The following SYNGR1 variants were observed in gnomAD, a reference collection of about 807,000 sequenced individuals.
The protein encoded by SYNGR1 is synaptogyrin-1.
SYNGR1 carries 14 observed loss-of-function variants against 26.1 expected under a neutral mutation model. That is an observed-to-expected ratio of 0.54 (90% CI 0.35 to 0.84). The LOEUF (loss-of-function observed/expected upper bound fraction) is 0.84. SYNGR1 is among the 40% of genes least tolerant of loss of function. The pLI, the probability that SYNGR1 is intolerant of heterozygous loss-of-function variation, is 0.01. For missense variants in SYNGR1, 319 were observed against 332.9 expected, an observed-to-expected ratio of 0.96 and a Z score of 0.33; for synonymous variants, 141 against 150.1, an observed-to-expected ratio of 0.94 and a Z score of 0.44.
intron 1 of SYNGR1, among the ~76,000 whole-genome samples, chr22:39,352,631 C>T (rs375223572): frequency 1.3e-5 from 2 of 152,126 alleles, no homozygotes; most frequent in African/African-American, 4.8e-5. Flanking sequence ...ATGCAGCTGG[C>T]GCCTGCTCTT....
rs1270764854 is a variant in SYNGR1 at position 39,350,004 on chromosome 22, A to C, written c.-7A>C. The C allele has an allele frequency of 8.0e-7, 1 of 1,257,224 alleles. No individual in the cohort carries two copies. Among genetic ancestry groups the C allele is most frequent in the South Asian group, 1.9e-5 (1 of 52,014 alleles). The allele number at this position is 1,257,224 out of a possible 1,614,324, so 77.9% of individuals were successfully genotyped here. ...CGAGCGGGGGGCACCGCGCGGGTGCAGCCACGATGGAAGGGGGTGCGTACG... is the reference window on the plus strand; with the variant it reads ...CGAGCGGGGGGCACCGCGCGGGTGCCGCCACGATGGAAGGGGGTGCGTACG... On this transcript the variant is annotated 5_prime_UTR_variant, in exon 1 of 4. Coordinates refer to ENST00000328933, the MANE Select transcript of SYNGR1 (RefSeq NM_004711.5). The surrounding 1 kb of genome is among the most constrained non-coding windows in gnomAD (Gnocchi z 4.3).
At chr22:39,364,070 C>T in intron 1 of SYNGR1, 1 of 1,518,458 alleles carries the variant, frequency 6.6e-7, no homozygotes, top group East Asian at 2.3e-5. Context: ...GCAGTGGGTC[C>T]TAGGCACACC....
At chr22:39,380,913 G>GA in intron 3 of SYNGR1, among the ~76,000 whole-genome samples, 1 of 152,078 alleles carries the variant, frequency 6.6e-6, no homozygotes, top group Non-Finnish European at 1.5e-5. Flanking sequence ...GAGTTGTCGC[G>GA]CCTGGCCTCT....
At chr22:39,377,390 T>G in intron 3 of SYNGR1, 1 of 985,348 alleles carries the variant, frequency 1.0e-6, no homozygotes, top group Non-Finnish European at 1.2e-6. Flanking sequence ...GGGATCTCAG[T>G]CCAGAGAAGG....
At chr22:39,377,020 T>C in intron 3 of SYNGR1, 2 of 1,550,956 alleles carry the variant, frequency 1.3e-6, no homozygotes, top group Non-Finnish European at 1.7e-6. Flanking sequence ...TGCAGAGATC[T>C]GGGGCCACAT....
Position 39,374,356 on chromosome 22 carries a change from G to A in SYNGR1, c.140G>A (p.Gly47Asp). Residue 47 changes from glycine (G) to aspartate (D), a missense_variant, in exon 2 of 4, where the codon GGC (glycine) becomes GAC (aspartate). Physicochemically the swap from Gly to Asp is moderately conservative, Grantham distance 94. Transcript: ENST00000328933. ...IVVFGSIVNE[G>D]YLNSASEGEE... ...GTGTTCGGCTCCATCGTGAACGAGG[G>A]CTACCTCAACAGCGCCTCCGAGGGG... 1 of 1,614,044 alleles carries A rather than the reference G, an allele frequency of 6.2e-7. No homozygotes were observed. Among genetic ancestry groups the A allele is most frequent in the South Asian group, 1.1e-5 (1 of 91,084 alleles).
rs1311065129 is a variant in SYNGR1 at position 39,350,885 on chromosome 22, C to G, written c.99+776C>G. Among the ~76,000 whole-genome samples, 1 of 152,140 alleles carries G rather than the reference C, an allele frequency of 6.6e-6. No individual in the cohort carries two copies. Among genetic ancestry groups the G allele is most frequent in the Non-Finnish European group, 1.5e-5 (1 of 68,024 alleles). ...TCAGCATGCACCTGGATGCCCAAGG[C>G]GGGTGTCTGGGAGAAAGGTCTGCTC... On this transcript the variant is annotated intron_variant, in intron 1 of 3. Transcript: ENST00000328933. The surrounding 1 kb of genome is among the most constrained non-coding windows in gnomAD (Gnocchi z 4.3).
chr22:39,358,012 T>A (rs981860631), intron 1 of SYNGR1, among the ~76,000 whole-genome samples: 4 of 152,244 alleles, frequency 2.6e-5, no homozygotes, highest in Non-Finnish European at 5.9e-5. Context: ...GGCAGGCAGC[T>A]CCACCTGCAG....
chr22:39,356,220 AATTTTTAT>A (rs1440751516), intron 1 of SYNGR1, among the ~76,000 whole-genome samples: 3 of 116,628 alleles, frequency 2.6e-5, no homozygotes, highest in Non-Finnish European at 3.6e-5. Flanking sequence ...ACACCCGGCT[AATTTTTAT>A]ATTTTTAGTA....
intron 1 of SYNGR1, chr22:39,364,309 T>C (rs1555941023): frequency 3.7e-6 from 6 of 1,613,848 alleles, no homozygotes; most frequent in Non-Finnish European, 8.5e-7. Flanking sequence ...AGGTTCCCCA[T>C]CTGCTGTGGG....
intron 1 of SYNGR1, among the ~76,000 whole-genome samples, chr22:39,351,149 C>A (rs1253467475): frequency 6.6e-6 from 1 of 152,176 alleles, no homozygotes; most frequent in Non-Finnish European, 1.5e-5. Flanking sequence ...CCCAGAAACT[C>A]CCACTCGAGG....
chr22:39,351,111 G>A (rs1923886865), intron 1 of SYNGR1, among the ~76,000 whole-genome samples: 1 of 152,176 alleles, frequency 6.6e-6, no homozygotes, highest in South Asian at 2.1e-4. Flanking sequence ...GGGGGTTTCT[G>A]GGGCTCCCTG....
rs552152844 is a variant in SYNGR1, at chr22:39,381,669, C to T, written c.484-27C>T. ...CCCTAACCACCCCCTCCCGCCTGTC[C>T]TTGTCCTCGCCGGCCTTTGTCCCCA... On this transcript the variant is annotated intron_variant, in intron 3 of 3. Coordinates refer to ENST00000328933, the MANE Select transcript of SYNGR1 (RefSeq NM_004711.5). 28 of 1,612,814 alleles carry T rather than the reference C, an allele frequency of 1.7e-5. No homozygotes were observed. In the South Asian group the frequency reaches 3.1e-4, roughly 18 times the overall value.
chr22:39,377,881 G>A (rs1048757677), intron 3 of SYNGR1: 13 of 1,465,952 alleles, frequency 8.9e-6, no homozygotes, highest in South Asian at 3.9e-5. Flanking sequence ...TTCTTCATGC[G>A]TTCATTCATT....
At chr22:39,367,368 CAGGCGGT>C (rs1256475708) in intron 1 of SYNGR1, among the ~76,000 whole-genome samples, 1 of 152,314 alleles carries the variant, frequency 6.6e-6, no homozygotes, top group East Asian at 1.9e-4. Flanking sequence ...CAGCCTGTAG[CAGGCGGT>C]AGGGACAGTC....
chr22:39,362,916 C>G lies in SYNGR1; in HGVS notation c.100-11400C>G, dbSNP rs760172603. Among the ~76,000 whole-genome samples the G allele has an allele frequency of 5.3e-5, 8 of 152,260 alleles. No homozygotes were observed. The East Asian group carries it at 1.5e-3, about 29-fold the overall frequency. ...CCTCTCCCTGGGTCTGGGGGAGAGA[C>G]GTGCACCCAACAACTGAACCAACAA... On this transcript the variant is annotated intron_variant, in intron 1 of 3. Coordinates refer to ENST00000328933, the MANE Select transcript of SYNGR1 (RefSeq NM_004711.5).
chr22:39,379,413 C>T (rs920677807), intron 3 of SYNGR1, among the ~76,000 whole-genome samples: 1 of 152,184 alleles, frequency 6.6e-6, no homozygotes, highest in Non-Finnish European at 1.5e-5. Flanking sequence ...GCAGGCGGAT[C>T]ACCTGAGGTC....
Position 39,384,507 on chromosome 22 carries a change from G to A in SYNGR1, c.*2593G>A, listed in dbSNP as rs1322817638. On this transcript the variant is annotated 3_prime_UTR_variant, in exon 4 of 4. Transcript: ENST00000328933. ...AGGGACCTGCCCAGGATGGAGATGA[G>A]AGAGGGTGAGAGATGGAGGGCGAGA... is the stretch of plus-strand genomic sequence containing the variant. The A allele has an allele frequency of 1.3e-5, 5 of 398,714 alleles. No homozygotes were observed. The highest frequency in any genetic ancestry group is 2.1e-5 in the African/African-American group (1 of 48,632). The allele number at this position is 398,714 out of a possible 1,614,324, so 24.7% of individuals were successfully genotyped here. A position where few individuals can be genotyped will look rare whatever the true frequency, so the allele number is the denominator to read the frequency against.
intron 1 of SYNGR1, among the ~76,000 whole-genome samples, chr22:39,366,707 C>A (rs1350210080): frequency 6.6e-6 from 1 of 152,270 alleles, no homozygotes; most frequent in African/African-American, 2.4e-5. Context: ...CTGCACCAGC[C>A]CCAGGCCTGT....
Sources: gnomAD v4.1 joint callset for allele counts (sites outside exome capture counted in the v4.1 genomes callset) on GRCh38, gnomAD v4.1.1 for gene constraint, Gnocchi (gnomAD v3.1) non-coding constraint, MANE v1.5 for transcripts, NCBI Gene and HGNC (gene_info 2026-07-23, HGNC 2026-07-21) for gene names.